THRA: variants seen among roughly 807,000 people sequenced by gnomAD.
The protein encoded by THRA is EAR-7.
THRA carries 13 observed loss-of-function variants against 45.0 expected under a neutral mutation model. The ratio of observed to expected loss-of-function variants is 0.29; its 90% confidence interval spans 0.19 to 0.46. THRA has a LOEUF of 0.46. Among genes scored for constraint, THRA ranks in the 20% least tolerant of loss-of-function variants. The pLI is 1.00. For missense variants in THRA, 278 were observed against 556.1 expected, an observed-to-expected ratio of 0.50 and a Z score of 5.03; for synonymous variants, 195 against 214.0, an observed-to-expected ratio of 0.91 and a Z score of 0.78.
At chr17:40,088,216 G>T (rs772430148) in intron 7 of THRA, 26 bp from the exon 8 acceptor site, 5 of 1,562,294 alleles carry the variant, frequency 3.2e-6, no homozygotes, top group Non-Finnish European at 4.3e-6. Flanking sequence ...TATGCTGAGT[G>T]CTCCTGTGGC....
At chr17:40,082,491 T>C (rs1987175421) in intron 4 of THRA, among the ~76,000 whole-genome samples, 1 of 151,644 alleles carries the variant, frequency 6.6e-6, no homozygotes. Context: ...TGCCTCAGCC[T>C]CCCGAGTAGC....
intron 5 of THRA, 45 bp from the exon 6 acceptor site, chr17:40,084,565 G>A: frequency 6.3e-7 from 1 of 1,599,504 alleles, no homozygotes; most frequent in Non-Finnish European, 8.6e-7. Context: ...ATGGAAAGGG[G>A]ATGGAGGGTG....
intron 1 of THRA, among the ~76,000 whole-genome samples, chr17:40,067,204 C>A (rs1262211583): frequency 6.6e-6 from 1 of 151,792 alleles, no homozygotes; most frequent in Non-Finnish European, 1.5e-5. Flanking sequence ...TCCTTTGACC[C>A]TCGCCCTTCA....
intron 2 of THRA, among the ~76,000 whole-genome samples, chr17:40,076,498 A>T (rs1986958358): frequency 1.3e-5 from 2 of 152,182 alleles, no homozygotes; most frequent in Admixed American, 1.3e-4. Flanking sequence ...TATGTTGCAT[A>T]TGTATGTGTG....
Position 40,083,943 on chromosome 17 carries a change from C to T in THRA, c.331C>T (p.Arg111Cys), listed in dbSNP as rs1455987244. ...KITRNQCQLCRFKKCIAVGMA... is the reference protein window; with the variant it reads ...KITRNQCQLCCFKKCIAVGMA... ...CACCCGCAATCAGTGCCAGCTGTGC[C>T]GCTTCAAGAAGTGCATCGCCGTGGG... Residue 111 changes from arginine (R) to cysteine (C), a missense_variant, in exon 5 of 9, where the codon CGC (arginine) becomes TGC (cysteine). This residue lies in a region of THRA where 111 missense variants were observed against 167.1 expected (regional missense o/e 0.66). Coordinates refer to ENST00000450525, the MANE Select transcript of THRA (RefSeq NM_199334.5). 6.2e-7 allele frequency: 1 copy of T among 1,613,732 alleles called. No homozygotes were observed. Among genetic ancestry groups the T allele is most frequent in the Non-Finnish European group, 8.5e-7 (1 of 1,179,762 alleles).
At chr17:40,067,819 A>G (rs8079379) in intron 1 of THRA, among the ~76,000 whole-genome samples, 6,528 of 152,278 alleles carry the variant, frequency 0.043, 471 homozygotes, top group African/African-American at 0.15. Context: ...GTAGTTCATG[A>G]TCAGCCTGGT....
Position 40,088,441 on chromosome 17 carries a change from C to T in THRA, c.923C>T (p.Ala308Val). ...AIFELGKSLSAFNLDDTEVAL... is the reference protein window; with the variant it reads ...AIFELGKSLSVFNLDDTEVAL... ...TTTGAACTGGGCAAGTCACTCTCTGCCTTTAACCTGGATGACACGGAAGTG... is the reference window on the plus strand; with the variant it reads ...TTTGAACTGGGCAAGTCACTCTCTGTCTTTAACCTGGATGACACGGAAGTG... The change falls in exon 8 of 9, where the codon GCC becomes GTC. Residue 308 changes from alanine (A) to valine (V), a missense_variant. By Grantham distance (64) the Ala-to-Val change is moderately conservative. Transcript: ENST00000450525. 6.2e-7 allele frequency: 1 copy of T among 1,614,072 alleles called. No homozygotes were observed. The highest frequency in any genetic ancestry group is 8.5e-7 in the Non-Finnish European group (1 of 1,179,960).
chr17:40,089,592 A>G lies in THRA; in HGVS notation c.*136A>G. ...GTCCTTGGATAGATTCAGCTCCCAC[A>G]CACACACCCGCACTGCCCAGGTCCC... On this transcript the variant is annotated 3_prime_UTR_variant, in exon 9 of 9. Transcript: ENST00000450525. This position sits in a 1 kb window ranked among gnomAD's most constrained non-coding sequence, Gnocchi z 6.1. 6.9e-7 allele frequency: 1 copy of G among 1,457,926 alleles called. No individual in the cohort carries two copies. Among genetic ancestry groups the G allele is most frequent in the Middle Eastern group, 2.5e-4 (1 of 3,968 alleles). 90.3% of individuals were successfully genotyped at this position (1,457,926 alleles called of 1,614,324 possible).
intron 1 of THRA, among the ~76,000 whole-genome samples, chr17:40,070,837 G>A (rs570485215): frequency 6.7e-6 from 1 of 150,320 alleles, no homozygotes; most frequent in Non-Finnish European, 1.5e-5. Context: ...AGCCTGCATG[G>A]GGTGGGACTT....
intron 2 of THRA, among the ~76,000 whole-genome samples, chr17:40,075,122 C>T (rs1456755581): frequency 2.0e-5 from 3 of 152,254 alleles, no homozygotes; most frequent in East Asian, 1.9e-4. Context: ...TTTGCTTCCA[C>T]ATGGGTGAGG....
chr17:40,080,423 A>C (rs1987097964), intron 4 of THRA, among the ~76,000 whole-genome samples: 1 of 144,680 alleles, frequency 6.9e-6, no homozygotes, highest in Admixed American at 6.9e-5. Flanking sequence ...AAAACAAACA[A>C]AAAAAAAAAA....
intron 1 of THRA, among the ~76,000 whole-genome samples, chr17:40,072,648 G>A (rs566353299): frequency 3.3e-5 from 5 of 152,194 alleles, no homozygotes; most frequent in East Asian, 1.9e-4. Flanking sequence ...TCAGAAGATC[G>A]TCCTCTATTG....
At chr17:40,075,097 G>A (rs1986904868) in intron 2 of THRA, among the ~76,000 whole-genome samples, 1 of 152,272 alleles carries the variant, frequency 6.6e-6, no homozygotes, top group African/African-American at 2.4e-5. Flanking sequence ...GAAAGTGCAC[G>A]CCAACCATGA....
intron 4 of THRA, among the ~76,000 whole-genome samples, chr17:40,082,510 C>T (rs1157107561): frequency 6.6e-6 from 1 of 151,842 alleles, no homozygotes; most frequent in African/African-American, 2.4e-5. Flanking sequence ...GCTGGGATTA[C>T]AGGGGCAGGC....
At chr17:40,078,036 T>G (rs1987011983) in intron 4 of THRA, among the ~76,000 whole-genome samples, 1 of 152,158 alleles carries the variant, frequency 6.6e-6, no homozygotes, top group South Asian at 2.1e-4. Context: ...CATTCATAAC[T>G]CCTCCTCTGC....
intron 4 of THRA, among the ~76,000 whole-genome samples, chr17:40,078,133 A>T (rs1322421790): frequency 6.6e-6 from 1 of 152,158 alleles, no homozygotes; most frequent in African/African-American, 2.4e-5. Context: ...TCTCTACCTT[A>T]TAGCATTGTT....
rs879921405 is a variant in THRA, at chr17:40,092,770, G to A, written c.*3314G>A. On this transcript the variant is annotated 3_prime_UTR_variant, in exon 9 of 9. Transcript: ENST00000450525. Reference sequence around the variant, plus strand: ...AGTATTTCCACCCCACCCCCCAAACGAGCACACACCACAGAAGCCAGCTCA... The same window carrying A: ...AGTATTTCCACCCCACCCCCCAAACAAGCACACACCACAGAAGCCAGCTCA... 7 of 269,468 alleles carry A rather than the reference G, an allele frequency of 2.6e-5. No homozygotes were observed. The highest frequency in any genetic ancestry group is 7.8e-5 in the East Asian group (1 of 12,872). The allele number at this position is 269,468 out of a possible 1,614,324, so 16.7% of individuals were successfully genotyped here. A position where few individuals can be genotyped will look rare whatever the true frequency, so the allele number is the denominator to read the frequency against.
chr17:40,081,221 T>C (rs1445026046), intron 4 of THRA, among the ~76,000 whole-genome samples: 2 of 152,114 alleles, frequency 1.3e-5, no homozygotes, highest in Non-Finnish European at 2.9e-5. Context: ...GAGGGTTCAC[T>C]GTGATGTTCC....
rs1260415992 is a variant in THRA, at chr17:40,076,835, C to T, written c.54-36C>T. 1.9e-6 allele frequency: 3 copies of T among 1,610,448 alleles called. No individual in the cohort carries two copies. In the South Asian group the frequency reaches 3.3e-5, roughly 18 times the overall value. Reference sequence around the variant, plus strand: ...GGATGAGAAAGGGGCTACTCGAAGACTGCTCTGTGATTCTGCCCACTTTGC... The same window carrying T: ...GGATGAGAAAGGGGCTACTCGAAGATTGCTCTGTGATTCTGCCCACTTTGC... On this transcript the variant is annotated intron_variant, in intron 2 of 8. Coordinates refer to ENST00000450525, the MANE Select transcript of THRA (RefSeq NM_199334.5).
Sources: allele counts gnomAD v4.1 joint callset (sites outside exome capture counted in the v4.1 genomes callset), GRCh38; gene constraint gnomAD v4.1.1; regional missense constraint gnomAD v4.1.1; non-coding constraint Gnocchi (gnomAD v3.1); transcripts MANE v1.5; gene names NCBI Gene and HGNC (gene_info 2026-07-23, HGNC 2026-07-21).